Variants in PTPRD observed in about 807,000 individuals in gnomAD.
The protein encoded by PTPRD is receptor-type tyrosine-protein phosphatase delta.
In PTPRD, 34 loss-of-function variants were observed where a neutral mutation model predicts 214.5. The observed-to-expected ratio is 0.16, with a 90% CI of 0.12 to 0.21. The LOEUF (loss-of-function observed/expected upper bound fraction) is 0.21. Among genes scored for constraint, PTPRD ranks in the 10% least tolerant of loss-of-function variants. The pLI, the probability that PTPRD is intolerant of heterozygous loss-of-function variation, is 1.00. For missense variants in PTPRD, 2,545 were observed against 2,398.7 expected (o/e 1.06, Z -1.27); for synonymous variants, 1,128 against 845.7 (o/e 1.33, Z -5.79).
At chr9:10,490,545 C>G (rs1163263619) in intron 2 of PTPRD, among the ~76,000 whole-genome samples, 5 of 152,108 alleles carry the variant, frequency 3.3e-5, no homozygotes, top group Admixed American at 6.6e-5. Flanking sequence ...TTAATTCAGC[C>G]TAAAGCATTT....
At chr9:8,442,131 T>C (rs181777572) in intron 34 of PTPRD, among the ~76,000 whole-genome samples, 1 of 152,330 alleles carries the variant, frequency 6.6e-6, no homozygotes, top group East Asian at 1.9e-4. Flanking sequence ...TGCCAAAATA[T>C]CCTAAGTTTC....
intron 11 of PTPRD, among the ~76,000 whole-genome samples, chr9:8,839,574 C>G (rs988220206): frequency 6.6e-6 from 1 of 152,192 alleles, no homozygotes; most frequent in African/African-American, 2.4e-5. Context: ...ATCCACCCAC[C>G]TTGGCCTCCC....
At chr9:9,760,471 C>T (rs2098642607) in intron 6 of PTPRD, among the ~76,000 whole-genome samples, 1 of 152,136 alleles carries the variant, frequency 6.6e-6, no homozygotes, top group East Asian at 1.9e-4. Context: ...TTAACTGTCA[C>T]ATGTTCATAA....
At chr9:9,658,152 T>C (rs1390676722) in intron 7 of PTPRD, among the ~76,000 whole-genome samples, 1 of 152,124 alleles carries the variant, frequency 6.6e-6, no homozygotes, top group Non-Finnish European at 1.5e-5. Context: ...AAATGGAGAA[T>C]TGAGTATGAT....
intron 11 of PTPRD, among the ~76,000 whole-genome samples, chr9:8,955,435 T>C (rs538432930): frequency 1.4e-4 from 22 of 151,760 alleles, no homozygotes; most frequent in Middle Eastern, 3.4e-3. Context: ...CAGCTATCAA[T>C]AATTGGTAAA....
intron 3 of PTPRD, among the ~76,000 whole-genome samples, chr9:10,117,612 G>GTTTTTTTTTTTT (rs35593505): frequency 2.1e-4 from 31 of 144,690 alleles, no homozygotes; most frequent in Admixed American, 5.6e-4. Context: ...AAATCTCCCC[G>GTTTTTTTTTTTT]TTTTTTTTTT....
chr9:9,813,939 T>G (rs1382369646), intron 5 of PTPRD, among the ~76,000 whole-genome samples: 1 of 152,148 alleles, frequency 6.6e-6, no homozygotes, highest in Non-Finnish European at 1.5e-5. Flanking sequence ...CCCTTGCAAA[T>G]GGGTCATTCA....
At chr9:8,948,695 T>A (rs1457403860) in intron 11 of PTPRD, among the ~76,000 whole-genome samples, 2 of 146,942 alleles carry the variant, frequency 1.4e-5, no homozygotes, top group African/African-American at 5.1e-5. Flanking sequence ...AAATATGATA[T>A]CTTTTAATAA....
intron 11 of PTPRD, among the ~76,000 whole-genome samples, chr9:8,837,939 C>T (rs1384958934): frequency 6.6e-6 from 1 of 152,092 alleles, no homozygotes; most frequent in Non-Finnish European, 1.5e-5. Context: ...ATGTAATATG[C>T]CCACTTCTTA....
intron 2 of PTPRD, among the ~76,000 whole-genome samples, chr9:10,521,704 G>A (rs952888404): frequency 6.6e-6 from 1 of 152,096 alleles, no homozygotes; most frequent in African/African-American, 2.4e-5. Context: ...AAAGCAATTA[G>A]CATGGTGGCG....
intron 12 of PTPRD, among the ~76,000 whole-genome samples, chr9:8,688,320 G>A (rs547863742): frequency 1.1e-4 from 16 of 152,014 alleles, no homozygotes; most frequent in East Asian, 5.8e-4. Flanking sequence ...TAATCCCAGC[G>A]CTTTGGGAGG....
At chr9:9,863,432 T>G (rs1476514351) in intron 5 of PTPRD, among the ~76,000 whole-genome samples, 2 of 152,178 alleles carry the variant, frequency 1.3e-5, no homozygotes, top group Non-Finnish European at 2.9e-5. Flanking sequence ...AAGGAGGGTA[T>G]AGTGAACGTT....
intron 3 of PTPRD, among the ~76,000 whole-genome samples, chr9:10,247,150 GT>G (rs1283147284): frequency 6.6e-6 from 1 of 152,022 alleles, no homozygotes; most frequent in Admixed American, 6.6e-5. Flanking sequence ...AGTAAAACTA[GT>G]TTGATTAGTC....
intron 4 of PTPRD, among the ~76,000 whole-genome samples, chr9:9,951,125 G>A (rs1477468362): frequency 6.6e-6 from 1 of 152,118 alleles, no homozygotes; most frequent in Non-Finnish European, 1.5e-5. Flanking sequence ...TGTAGGAGGA[G>A]GGTGAAATAT....
intron 10 of PTPRD, among the ~76,000 whole-genome samples, chr9:9,145,265 T>C (rs1450706177): frequency 6.6e-6 from 1 of 152,182 alleles, no homozygotes; most frequent in African/African-American, 2.4e-5. Context: ...TACTAGAAGT[T>C]TCCTAAATTT....
chr9:9,031,193 T>C (rs910759715), intron 10 of PTPRD, among the ~76,000 whole-genome samples: 1 of 129,820 alleles, frequency 7.7e-6, no homozygotes, highest in African/African-American at 2.9e-5. Context: ...AAATAAACCA[T>C]ATAAATACTT....
At chr9:8,755,881 G>A (rs919523247) in intron 11 of PTPRD, among the ~76,000 whole-genome samples, 1 of 152,168 alleles carries the variant, frequency 6.6e-6, no homozygotes, top group African/African-American at 2.4e-5. Flanking sequence ...ACTGATTTCA[G>A]TAACTAGCCT....
intron 5 of PTPRD, among the ~76,000 whole-genome samples, chr9:9,871,927 C>A (rs1470876396): frequency 1.3e-5 from 2 of 152,008 alleles, no homozygotes; most frequent in Non-Finnish European, 2.9e-5. Context: ...AGGTTTATTG[C>A]CTATTTTACA....
intron 5 of PTPRD, among the ~76,000 whole-genome samples, chr9:9,886,350 T>C (rs898051457): frequency 2.0e-5 from 3 of 152,122 alleles, no homozygotes; most frequent in Admixed American, 6.6e-5. Flanking sequence ...ACAAGAGTAA[T>C]ATGTAATGAA....
Sources: gnomAD v4.1 joint callset for allele counts (sites outside exome capture counted in the v4.1 genomes callset) on GRCh38, gnomAD v4.1.1 for gene constraint, MANE v1.5 for transcripts, NCBI Gene and HGNC (gene_info 2026-07-23, HGNC 2026-07-21) for gene names.